Variants in RHBDL3 observed in about 807,000 individuals in gnomAD.
RHBDL3 encodes rhomboid like 3.
A neutral mutation model predicts 48.2 loss-of-function variants in RHBDL3; 28 were observed. That is an observed-to-expected ratio of 0.58 (90% CI 0.43 to 0.80). RHBDL3 has a LOEUF of 0.80. Ranked by LOEUF, RHBDL3 falls within the 30% of genes least tolerant of loss-of-function variation. The probability of loss-of-function intolerance (pLI) is 0.00; values close to 1 mark genes in which losing one functional copy is unlikely to be tolerated. For synonymous variants in RHBDL3, 208 were observed against 232.3 expected (o/e 0.90, Z 0.95); for missense variants, 464 against 542.7 (o/e 0.85, Z 1.44).
chr17:32,288,585 C>A (rs1345297518), intron 3 of RHBDL3, among the ~76,000 whole-genome samples: 1 of 152,094 alleles, frequency 6.6e-6, no homozygotes, highest in Middle Eastern at 3.2e-3. Context: ...TGGTGATCAT[C>A]AAATGAGCCA....
intron 7 of RHBDL3, among the ~76,000 whole-genome samples, chr17:32,306,098 G>A (rs891864314): frequency 6.6e-6 from 1 of 152,142 alleles, no homozygotes; most frequent in Admixed American, 6.5e-5. Flanking sequence ...CAAAATGAGG[G>A]CTTAAACCCG....
At chr17:32,282,489 C>T (rs1378065325) in intron 2 of RHBDL3, among the ~76,000 whole-genome samples, 1 of 152,124 alleles carries the variant, frequency 6.6e-6, no homozygotes, top group Non-Finnish European at 1.5e-5. Flanking sequence ...ATTGCCGAGC[C>T]CAGGAGGTCG....
intron 4 of RHBDL3, among the ~76,000 whole-genome samples, chr17:32,292,923 A>G (rs564385549): frequency 4.2e-4 from 64 of 151,890 alleles, no homozygotes; most frequent in African/African-American, 1.4e-3. Context: ...GCCAGGAGGT[A>G]GAAGTTGCAA....
At chr17:32,277,655 G>A (rs188526628) in intron 2 of RHBDL3, among the ~76,000 whole-genome samples, 4 of 152,328 alleles carry the variant, frequency 2.6e-5, no homozygotes, top group East Asian at 1.9e-4. Context: ...TCAGCTGCTC[G>A]GAGACCTATG....
chr17:32,282,686 G>A (rs1042992541), intron 2 of RHBDL3, among the ~76,000 whole-genome samples: 2 of 152,010 alleles, frequency 1.3e-5, no homozygotes, highest in Non-Finnish European at 2.9e-5. Context: ...GCAGTGGCAC[G>A]ATGTCGGCTC....
At chr17:32,319,213 G>C (rs1017132146) in intron 8 of RHBDL3, among the ~76,000 whole-genome samples, 3 of 151,906 alleles carry the variant, frequency 2.0e-5, no homozygotes, top group African/African-American at 7.3e-5. Flanking sequence ...ACGAGGTCAG[G>C]AGATAGAGAC....
At chr17:32,286,346 A>T (rs942011302) in intron 3 of RHBDL3, among the ~76,000 whole-genome samples, 1 of 152,184 alleles carries the variant, frequency 6.6e-6, no homozygotes, top group Non-Finnish European at 1.5e-5. Flanking sequence ...TTCTCTGTTC[A>T]AATTCTGCAC....
At chr17:32,272,066 G>A (rs548949283) in intron 2 of RHBDL3, among the ~76,000 whole-genome samples, 180 of 152,332 alleles carry the variant, frequency 1.2e-3, no homozygotes, top group African/African-American at 3.9e-3. Flanking sequence ...CAATGGGGAC[G>A]TAATATTTAA....
chr17:32,270,820 C>A (rs1286985675), intron 2 of RHBDL3, among the ~76,000 whole-genome samples: 1 of 152,148 alleles, frequency 6.6e-6, no homozygotes, highest in East Asian at 1.9e-4. Flanking sequence ...TTTTGGAGAT[C>A]TTGATGGTTT....
intron 7 of RHBDL3, among the ~76,000 whole-genome samples, chr17:32,309,179 A>AGTGTGTGTGT (rs61558385): frequency 3.3e-5 from 5 of 149,620 alleles, no homozygotes; most frequent in African/African-American, 4.9e-5. Flanking sequence ...GAAGGTTTGG[A>AGTGTGTGTGT]GTGTGTGTGT....
rs984098544 is a variant in RHBDL3, at chr17:32,266,173, C to A, written c.-17C>A. 5 of 1,118,236 alleles carry A rather than the reference C, an allele frequency of 4.5e-6. No individual in the cohort carries two copies. Among genetic ancestry groups the A allele is most frequent in the Admixed American group, 4.5e-5 (1 of 22,000 alleles). 69.3% of individuals were successfully genotyped at this position (1,118,236 alleles called of 1,614,324 possible). On this transcript the variant is annotated 5_prime_UTR_variant, in exon 1 of 9. Coordinates refer to ENST00000269051, the MANE Select transcript of RHBDL3 (RefSeq NM_138328.3). Reference sequence around the variant, plus strand: ...CGAGCCCCGCAGCCGCCGCCGCCCCCGGACCCCGTCTCGGCCATGGGCGAG... The same window carrying A: ...CGAGCCCCGCAGCCGCCGCCGCCCCAGGACCCCGTCTCGGCCATGGGCGAG...
Position 32,265,985 on chromosome 17 carries a change from G to A in RHBDL3, c.-205G>A, listed in dbSNP as rs551331349. Among the ~76,000 whole-genome samples the A allele has an allele frequency of 0.015, 2,256 of 146,562 alleles. 63 individuals carry two copies. Among genetic ancestry groups the A allele is most frequent in the African/African-American group, 0.052 (2,139 of 40,932 alleles). ...TAGCGCAGTGAAGTTTGGCGGCGGA[G>A]GGGCCGGGCGTCCCGGGGTCGCGAG... On this transcript the variant is annotated 5_prime_UTR_variant, in exon 1 of 9. Transcript: ENST00000269051.
At chr17:32,304,486 G>C (rs530488569) in intron 6 of RHBDL3, among the ~76,000 whole-genome samples, 3 of 152,268 alleles carry the variant, frequency 2.0e-5, no homozygotes, top group South Asian at 4.1e-4. Flanking sequence ...TCCTGGTTCC[G>C]GCACTTCCTA....
In RHBDL3 at chr17:32,267,910, A is replaced by G; in HGVS notation, c.120A>G (p.Lys40=). ...RLPAAPEDHW[K]VLFDQFDPGN... ...GCCTCCCTCTCTGCCAGCACTGGAA[A>G]GTCCTGTTTGATCAGGTATGTGAGC... The change falls in exon 2 of 9, where the codon AAA becomes AAG. Residue 40 remains lysine (K), a synonymous_variant. Coordinates refer to ENST00000269051, the MANE Select transcript of RHBDL3 (RefSeq NM_138328.3). 1 of 1,613,496 alleles carries G rather than the reference A, an allele frequency of 6.2e-7. No homozygotes were observed. Among genetic ancestry groups the G allele is most frequent in the African/African-American group, 1.3e-5 (1 of 75,016 alleles).
chr17:32,296,013 T>C (rs926645689), intron 5 of RHBDL3, among the ~76,000 whole-genome samples: 1 of 151,710 alleles, frequency 6.6e-6, no homozygotes, highest in Non-Finnish European at 1.5e-5. Flanking sequence ...GATCACGAGG[T>C]CAGGAGATCA....
At chr17:32,308,894 C>T (rs373573633) in intron 7 of RHBDL3, among the ~76,000 whole-genome samples, 11 of 151,954 alleles carry the variant, frequency 7.2e-5, no homozygotes, top group African/African-American at 2.4e-4. Context: ...GGTGAAACCC[C>T]GTTTCTACTA....
chr17:32,295,038 C>A (rs1567777218), intron 5 of RHBDL3, among the ~76,000 whole-genome samples: 1 of 152,158 alleles, frequency 6.6e-6, no homozygotes, highest in Non-Finnish European at 1.5e-5. Context: ...AGTCTGGAGG[C>A]TTTTATATGG....
At chr17:32,294,054 G>A (rs1044075863) in intron 4 of RHBDL3, among the ~76,000 whole-genome samples, 2 of 151,842 alleles carry the variant, frequency 1.3e-5, no homozygotes, top group Admixed American at 6.6e-5. Flanking sequence ...CTTGAACCCA[G>A]GAGGTGGAGG....
intron 4 of RHBDL3, 47 bp downstream of exon 4, chr17:32,289,063 G>C (rs199643919): frequency 5.2e-6 from 8 of 1,524,828 alleles, no homozygotes; most frequent in Middle Eastern, 1.7e-4. Context: ...GGGGAGTGGC[G>C]GGTATGGGGA....
Sources: allele counts gnomAD v4.1 joint callset (sites outside exome capture counted in the v4.1 genomes callset), GRCh38; gene constraint gnomAD v4.1.1; transcripts MANE v1.5; gene names NCBI Gene and HGNC (gene_info 2026-07-23, HGNC 2026-07-21).